The following MCM8 variants were observed in gnomAD, a reference collection of about 807,000 sequenced individuals.
The protein encoded by MCM8 is minichromosome maintenance 8 homologous recombination repair factor, also known as DNA helicase MCM8.
MCM8 carries 85 observed loss-of-function variants against 98.9 expected under a neutral mutation model. That is an observed-to-expected ratio of 0.86 (90% CI 0.72 to 1.03). The LOEUF is 1.03. Among genes scored for constraint, MCM8 ranks in the 50% least tolerant of loss-of-function variants. The probability of loss-of-function intolerance (pLI) is 0.00; values close to 1 mark genes in which losing one functional copy is unlikely to be tolerated. For missense variants in MCM8, 951 were observed against 997.8 expected (o/e 0.95, Z 0.63); for synonymous variants, 352 against 338.6 (o/e 1.04, Z -0.44).
rs28403618 is a variant in MCM8 at position 5,967,535 on chromosome 20, G to A, written c.975G>A (p.Pro325=). The A allele has an allele frequency of 3.2e-4, 521 of 1,612,564 alleles. 3 individuals are homozygous for A. In the East Asian group the frequency reaches 9.8e-3, roughly 30 times the overall value. Residue 325 remains proline (P), a synonymous_variant, in exon 9 of 19, where the codon CCG becomes CCA. Coordinates refer to ENST00000610722, the MANE Select transcript of MCM8 (RefSeq NM_032485.6). The part of the protein sequence containing the change: ...LVHDLVDSCV[P]GDTVTITGIV... ...ATGATCTTGTGGATAGCTGTGTCCCGGGAGACACAGTGACTATTACTGGAA... is the reference window on the plus strand; with the variant it reads ...ATGATCTTGTGGATAGCTGTGTCCCAGGAGACACAGTGACTATTACTGGAA...
intron 12 of MCM8, among the ~76,000 whole-genome samples, chr20:5,973,895 T>TCCAC (rs1374882482): frequency 2.0e-5 from 3 of 152,004 alleles, no homozygotes; most frequent in African/African-American, 7.2e-5. Context: ...CCTCAAGTGA[T>TCCAC]CCACCCACCT....
rs2089955231 is a variant in MCM8 at position 5,996,235 on chromosome 20, C to T, written c.*1844C>T. On this transcript the variant is annotated 3_prime_UTR_variant, in exon 19 of 19. Coordinates refer to ENST00000610722, the MANE Select transcript of MCM8 (RefSeq NM_032485.6). The stretch of plus-strand genomic sequence containing the variant: ...GTTACAGTGAGCTATGATTATACCA[C>T]TGCACTCCAGCCTGGGCAAGAGAGC... 6.6e-6 allele frequency: 1 copy of T among 151,490 alleles called. No individual in the cohort carries two copies. The highest frequency in any genetic ancestry group is 2.0e-4 in the South Asian group (1 of 5,112). The allele number at this position is 151,490 out of a possible 1,614,324, so 9.4% of individuals were successfully genotyped here. A position where few individuals can be genotyped will look rare whatever the true frequency, so the allele number is the denominator to read the frequency against.
rs1259936989 is a variant in MCM8, at chr20:5,986,051, G to A, written c.2083G>A (p.Glu695Lys). 7 of 1,613,982 alleles carry A rather than the reference G, an allele frequency of 4.3e-6. No individual in the cohort carries two copies. The highest frequency in any genetic ancestry group is 5.9e-6 in the Non-Finnish European group (7 of 1,180,042). Reference protein sequence around the residue: ...AARVLQDFYLELRKQSQRLNS... With the variant: ...AARVLQDFYLKLRKQSQRLNS... The stretch of plus-strand genomic sequence containing the variant: ...TCGAGTTCTTCAAGATTTTTACCTT[G>A]AGCTCCGGAAACAGAGCCAGAGGTT... The change falls in exon 16 of 19, where the codon GAG becomes AAG. Residue 695 changes from glutamate (E) to lysine (K), a missense_variant. Coordinates refer to ENST00000610722, the MANE Select transcript of MCM8 (RefSeq NM_032485.6).
intron 16 of MCM8, 93 bp downstream of exon 16, chr20:5,986,224 C>T: frequency 8.8e-7 from 1 of 1,141,122 alleles, no homozygotes; most frequent in East Asian, 2.4e-5. Context: ...ATAATTGACT[C>T]CATTTTCCTT....
At chr20:5,992,144 A>AT (rs1358474688) in intron 17 of MCM8, among the ~76,000 whole-genome samples, 1 of 152,192 alleles carries the variant, frequency 6.6e-6, no homozygotes, top group Non-Finnish European at 1.5e-5. Flanking sequence ...GTTTTTTTCT[A>AT]TTTCAGGAAA....
At chr20:5,986,594 G>A (rs1387932474) in intron 16 of MCM8, among the ~76,000 whole-genome samples, 2 of 152,156 alleles carry the variant, frequency 1.3e-5, no homozygotes, top group African/African-American at 4.8e-5. Flanking sequence ...GTAAAAATTA[G>A]CTAGCTCAGA....
intron 8 of MCM8, among the ~76,000 whole-genome samples, chr20:5,966,787 G>A (rs1231970103): frequency 6.6e-6 from 1 of 152,152 alleles, no homozygotes; most frequent in African/African-American, 2.4e-5. Context: ...TCTTTATTCT[G>A]AAGCTCTGAT....
Position 5,963,325 on chromosome 20 carries a change from CCT to C in MCM8, c.845_846del (p.Leu282HisfsTer17). ...GRSFTALRSSPLTVTMDWQSI... is the reference protein window; with the variant it reads ...GRSFTALRSSXLTVTMDWQSI... ...GTCATTTACTGCTCTCCGCAGCTCT[CCT>C]CTCACAGTTACGATGGACTGGCAGT... On this transcript the variant is annotated frameshift_variant, in exon 8 of 19. Coordinates refer to ENST00000610722, the MANE Select transcript of MCM8 (RefSeq NM_032485.6). LOFTEE classifies it high-confidence loss of function. 1 of 1,614,042 alleles carries C rather than the reference CCT, an allele frequency of 6.2e-7. No individual in the cohort carries two copies. The highest frequency in any genetic ancestry group is 1.1e-5 in the South Asian group (1 of 91,074).
intron 17 of MCM8, 120 bp downstream of exon 17, chr20:5,987,478 C>G: frequency 1.5e-6 from 1 of 684,502 alleles, no homozygotes; most frequent in Non-Finnish European, 2.4e-6. Context: ...TCCTCCTAAA[C>G]AGAGTACCGT....
intron 4 of MCM8, 38 bp from the exon 5 acceptor site, chr20:5,955,064 A>G (rs886794216): frequency 2.1e-6 from 3 of 1,461,972 alleles, no homozygotes. Context: ...TTGACTACAG[A>G]AAAGCAATTA....
intron 13 of MCM8, among the ~76,000 whole-genome samples, chr20:5,981,383 G>A (rs1362494518): frequency 6.6e-6 from 1 of 151,692 alleles, no homozygotes; most frequent in Non-Finnish European, 1.5e-5. Flanking sequence ...TTGAACAGCA[G>A]GAACAGGCTA....
At chr20:5,978,947 C>G (rs2089573608) in intron 13 of MCM8, among the ~76,000 whole-genome samples, 2 of 152,156 alleles carry the variant, frequency 1.3e-5, no homozygotes, top group African/African-American at 4.8e-5. Context: ...GGTAAGAAGT[C>G]CAGGCATAGG....
chr20:5,977,851 T>A, intron 12 of MCM8, 25 bp from the exon 13 acceptor site: 1 of 1,610,360 alleles, frequency 6.2e-7, no homozygotes, highest in Non-Finnish European at 8.5e-7. Flanking sequence ...TTTGGATGAT[T>A]CTCTTAAACT....
At chr20:5,972,980 A>G in intron 11 of MCM8, 76 bp from the exon 12 acceptor site, 2 of 1,493,224 alleles carry the variant, frequency 1.3e-6, no homozygotes, top group South Asian at 2.5e-5. Flanking sequence ...AATATTATAG[A>G]AGGAGGAATA....
chr20:5,975,574 GC>G (rs2089493237), intron 12 of MCM8, among the ~76,000 whole-genome samples: 1 of 147,862 alleles, frequency 6.8e-6, no homozygotes, highest in South Asian at 2.1e-4. Context: ...TTGGCTCACT[GC>G]AAGCTCCGCC....
chr20:5,951,912 C>A (rs2088836400), intron 1 of MCM8, 99 bp from the exon 2 acceptor site: 1 of 1,345,612 alleles, frequency 7.4e-7, no homozygotes, highest in East Asian at 2.5e-5. Context: ...TACTCTTGAA[C>A]CTAGAATACA....
At chr20:5,972,419 G>T (rs1030995750) in intron 11 of MCM8, among the ~76,000 whole-genome samples, 1 of 151,902 alleles carries the variant, frequency 6.6e-6, no homozygotes. Context: ...TGTTGCCCAC[G>T]CTGGTCTGTA....
intron 10 of MCM8, among the ~76,000 whole-genome samples, chr20:5,970,912 T>C (rs566057703): frequency 6.6e-6 from 1 of 152,238 alleles, no homozygotes; most frequent in Non-Finnish European, 1.5e-5. Context: ...GGCCTTAAGT[T>C]ATTCTCCCAC....
chr20:5,987,514 G>A, intron 17 of MCM8, among the ~76,000 whole-genome samples, 156 bp downstream of exon 17: 1 of 152,142 alleles, frequency 6.6e-6, no homozygotes, highest in East Asian at 1.9e-4. Flanking sequence ...ATTTCTCACT[G>A]TGTAAATAAT....
Sources: gnomAD v4.1 joint callset for allele counts (sites outside exome capture counted in the v4.1 genomes callset) on GRCh38, gnomAD v4.1.1 for gene constraint, MANE v1.5 for transcripts, NCBI Gene and HGNC (gene_info 2026-07-23, HGNC 2026-07-21) for gene names.